The following ZNF718 variants were observed in gnomAD, a reference collection of about 807,000 sequenced individuals.
The protein encoded by ZNF718 is zinc finger protein 718.
In ZNF718, 3 loss-of-function variants were observed where a neutral mutation model predicts 2.6. The ratio of observed to expected loss-of-function variants is 1.16; its 90% confidence interval spans 0.53 to 3.01. ZNF718 has a LOEUF of 3.01. Ranked by LOEUF, ZNF718 falls within the 30% of genes most tolerant of loss-of-function variation. ZNF718 has a pLI of 0.03. For missense variants in ZNF718, 468 were observed against 230.0 expected (o/e 2.03, Z -6.69); for synonymous variants, 135 against 77.9 (o/e 1.73, Z -3.86).
chr4:169,509 G>A (rs1553817561), intron 3 of ZNF718, among the ~76,000 whole-genome samples: 2 of 152,060 alleles, frequency 1.3e-5, no homozygotes, highest in South Asian at 2.1e-4. Context: ...GGTCTCTAAC[G>A]ACTTGCTTTA....
exon 5 of ZNF718, chr4:202,286 A>C (rs1164087617): frequency 2.0e-5 from 3 of 152,196 alleles, no homozygotes; most frequent in African/African-American, 7.2e-5. Flanking sequence ...AGTCCATTAA[A>C]CATCTTTTTC....
chr4:147,191 A>G (rs1417199649), intron 3 of ZNF718, among the ~76,000 whole-genome samples: 1 of 152,056 alleles, frequency 6.6e-6, no homozygotes, highest in African/African-American at 2.4e-5. Context: ...GACTGGTGAG[A>G]TGCTTGAAGA....
intron 3 of ZNF718, among the ~76,000 whole-genome samples, chr4:175,917 C>T (rs1054670756): frequency 1.6e-4 from 21 of 131,010 alleles, no homozygotes; most frequent in African/African-American, 2.3e-4. Context: ...AGTGCAGTGG[C>T]GCTATCTCGG....
At chr4:156,634 C>T (rs2108799530) in intron 3 of ZNF718, among the ~76,000 whole-genome samples, 1 of 152,230 alleles carries the variant, frequency 6.6e-6, no homozygotes, top group South Asian at 2.1e-4. Context: ...TTTCTGTTTT[C>T]TGGCGCTTTG....
rs1715263996 is a variant in ZNF718 at position 127,320 on chromosome 4, A to G, written c.3+2647A>G. 1.9e-5 allele frequency among the ~76,000 whole-genome samples: 2 copies of G among 104,418 alleles called. 1 individual carries two copies. Among genetic ancestry groups the G allele is most frequent in the Admixed American group, 2.1e-4 (2 of 9,708 alleles). 68.5% of individuals were successfully genotyped at this position (104,418 alleles called of 152,430 possible). A position where few individuals can be genotyped will look rare whatever the true frequency, so the allele number is the denominator to read the frequency against. On this transcript the variant is annotated intron_variant, in intron 1 of 3. Coordinates refer to ENST00000510175, the MANE Select transcript of ZNF718 (RefSeq NM_001039127.6). ...AAAATAGTCTCTCTATTTGGGATCT[A>G]CAGTCCCTTCTAGAGCAGTTAGACT...
chr4:136,232 G>A (rs190015971), intron 3 of ZNF718, among the ~76,000 whole-genome samples: 29 of 152,272 alleles, frequency 1.9e-4, no homozygotes, highest in Middle Eastern at 3.4e-3. Context: ...ACTGACTACC[G>A]GGGAACAGTT....
rs572525020 is a variant in ZNF718, at chr4:161,398, G to A, written c.713G>A (p.Arg238Gln). 27 of 779,458 alleles carry A rather than the reference G, an allele frequency of 3.5e-5. No homozygotes were observed. Among genetic ancestry groups the A allele is most frequent in the African/African-American group, 1.7e-4 (10 of 59,092 alleles). 48.3% of individuals were successfully genotyped at this position (779,458 alleles called of 1,614,324 possible). The change falls in exon 4 of 4, where the codon CGG becomes CAG. Residue 238 changes from arginine to glutamine, a missense_variant. Coordinates refer to ENST00000510175, the MANE Select transcript of ZNF718 (RefSeq NM_001039127.6). The stretch of plus-strand genomic sequence containing the variant: ...GAAGAATGTGGTAAAGGCTTTACTC[G>A]GTCCTCACACCTTACTAAACATAAG... ...KCEECGKGFT[R>Q]SSHLTKHKRI...
At chr4:171,836 G>A (rs538216718) in intron 3 of ZNF718, among the ~76,000 whole-genome samples, 9 of 152,244 alleles carry the variant, frequency 5.9e-5, no homozygotes, top group East Asian at 3.9e-4. Flanking sequence ...AGCTTGGTGC[G>A]CTGCACCCAC....
downstream of ZNF718, among the ~76,000 whole-genome samples, chr4:164,515 C>CA (rs782714573): frequency 6.6e-6 from 1 of 151,986 alleles, no homozygotes; most frequent in Non-Finnish European, 1.5e-5. Flanking sequence ...GTCTTATACT[C>CA]ATGCTAGTGA....
At chr4:191,888 G>A (rs781854626) in intron 3 of ZNF718, among the ~76,000 whole-genome samples, 3 of 152,156 alleles carry the variant, frequency 2.0e-5, no homozygotes, top group African/African-American at 4.8e-5. Flanking sequence ...TGGCCTCATG[G>A]ATTCCAAGGA....
intron 3 of ZNF718, among the ~76,000 whole-genome samples, chr4:172,777 C>A (rs1187874625): frequency 6.6e-6 from 1 of 151,402 alleles, no homozygotes; most frequent in Non-Finnish European, 1.5e-5. Context: ...TGATACATGC[C>A]AGGTGTGGTG....
chr4:165,342 T>G (rs1717062696), downstream of ZNF718, among the ~76,000 whole-genome samples: 1 of 152,200 alleles, frequency 6.6e-6, no homozygotes, highest in Admixed American at 6.6e-5. Flanking sequence ...CAGCATTGTT[T>G]TTCTCTGTAA....
intron 3 of ZNF718, among the ~76,000 whole-genome samples, chr4:189,387 A>T (rs1553820839): frequency 6.6e-6 from 1 of 152,042 alleles, no homozygotes; most frequent in East Asian, 1.9e-4. Flanking sequence ...TATGTTCCCA[A>T]ATGGTTTTTC....
intron 3 of ZNF718, among the ~76,000 whole-genome samples, chr4:143,903 A>G (rs1553810688): frequency 2.0e-5 from 3 of 152,016 alleles, no homozygotes; most frequent in African/African-American, 7.2e-5. Flanking sequence ...CAGAAAGAAA[A>G]AGACCGTTGA....
chr4:169,429 C>A (rs1254325578), intron 3 of ZNF718, among the ~76,000 whole-genome samples: 1 of 152,118 alleles, frequency 6.6e-6, no homozygotes, highest in Admixed American at 6.5e-5. Flanking sequence ...TCTCGTTGAT[C>A]TGTCTAATAT....
chr4:149,130 C>T (rs781816996), intron 3 of ZNF718, among the ~76,000 whole-genome samples: 5 of 152,134 alleles, frequency 3.3e-5, no homozygotes, highest in Admixed American at 6.6e-5. Context: ...TGTCACTCCC[C>T]TTGTATGTTT....
rs1287947339 is a variant in ZNF718 at position 133,211 on chromosome 4, T to A, written c.226+1706T>A. Among the ~76,000 whole-genome samples the A allele has an allele frequency of 2.8e-3, 68 of 24,198 alleles. 21 individuals carry two copies. Among genetic ancestry groups the A allele is most frequent in the African/African-American group, 0.013 (65 of 4,996 alleles). The allele number at this position is 24,198 out of a possible 152,430, so 15.9% of individuals were successfully genotyped here. On this transcript the variant is annotated intron_variant, in intron 3 of 3. Coordinates refer to ENST00000510175, the MANE Select transcript of ZNF718 (RefSeq NM_001039127.6). ...AAAAAAAAAAATATATATATATATA[T>A]ATATATATATATATATATGGTAACA...
downstream of ZNF718, among the ~76,000 whole-genome samples, chr4:168,776 A>C (rs558823250): frequency 0.021 from 3,173 of 151,940 alleles, 52 homozygotes; most frequent in Middle Eastern, 0.058. Context: ...GTGGTCTATC[A>C]ATTTTGTTGA....
chr4:183,174 G>A (rs913338836), intron 3 of ZNF718, among the ~76,000 whole-genome samples: 6 of 152,078 alleles, frequency 3.9e-5, no homozygotes, highest in Admixed American at 6.6e-5. Context: ...GTTGATTTTT[G>A]TATATGGTGT....
Sources: allele counts gnomAD v4.1 joint callset (sites outside exome capture counted in the v4.1 genomes callset), GRCh38; gene constraint gnomAD v4.1.1; transcripts MANE v1.5; gene names NCBI Gene and HGNC (gene_info 2026-07-23, HGNC 2026-07-21).